Variants in DENND6A observed in about 807,000 individuals in gnomAD.
DENND6A encodes the protein protein DENND6A.
DENND6A carries 43 observed loss-of-function variants against 95.5 expected under a neutral mutation model. That is an observed-to-expected ratio of 0.45 (90% CI 0.35 to 0.58). The LOEUF (loss-of-function observed/expected upper bound fraction) is 0.58. Among genes scored for constraint, DENND6A ranks in the 20% least tolerant of loss-of-function variants. The pLI, the probability that DENND6A is intolerant of heterozygous loss-of-function variation, is 0.00. For missense variants in DENND6A, 574 were observed against 736.0 expected (o/e 0.78, Z 2.55); for synonymous variants, 257 against 260.4 (o/e 0.99, Z 0.13).
chr3:57,630,734 C>T lies in DENND6A; in HGVS notation c.1498G>A (p.Asp500Asn), dbSNP rs779180348. Residue 500 changes from aspartate (D) to asparagine (N), a missense_variant, in exon 17 of 20, where the codon GAT becomes AAT. Physicochemically the swap from Asp to Asn is conservative, Grantham distance 23. Around this residue, in one of 2 missense-constraint regions of DENND6A, gnomAD observed 452 missense variants for 630.9 expected, o/e 0.72. Coordinates refer to ENST00000311128, the MANE Select transcript of DENND6A (RefSeq NM_152678.3). ...GPQLTSRIKG[D>N]WIGLYRHFLK... ...ACTAACCGGTAAAGTCCAATCCAAT[C>T]GCCTTTTATTCTAGAGGTTAGCTGA... 2.3e-5 allele frequency: 37 copies of T among 1,613,538 alleles called. No individual in the cohort carries two copies. Among genetic ancestry groups the T allele is most frequent in the Middle Eastern group, 1.6e-4 (1 of 6,082 alleles).
chr3:57,630,690 T>G, intron 17 of DENND6A, 25 bp downstream of exon 17: 1 of 1,603,204 alleles, frequency 6.2e-7, no homozygotes. Flanking sequence ...GACACATGGG[T>G]GTAAAACAGG....
In DENND6A at chr3:57,692,839, G is replaced by T. The variant is rs769779894; in HGVS notation, c.180C>A (p.Ala60=). 1 of 1,584,264 alleles carries T rather than the reference G, an allele frequency of 6.3e-7. No individual in the cohort carries two copies. Among genetic ancestry groups the T allele is most frequent in the Non-Finnish European group, 8.6e-7 (1 of 1,168,848 alleles). Residue 60 remains alanine (A), a synonymous_variant, in exon 1 of 20, where the codon GCC becomes GCA. Coordinates refer to ENST00000311128, the MANE Select transcript of DENND6A (RefSeq NM_152678.3). ...RGLLRWDSFS[A]WLHCVCVVGF... ...CCACCACACACACGCAGTGCAGCCAGGCGGAGAAGCTGTCCCAGCGCAGCA... is the reference window on the plus strand; with the variant it reads ...CCACCACACACACGCAGTGCAGCCATGCGGAGAAGCTGTCCCAGCGCAGCA...
intron 1 of DENND6A, among the ~76,000 whole-genome samples, chr3:57,675,606 C>T (rs1422280947): frequency 6.6e-6 from 1 of 152,152 alleles, no homozygotes; most frequent in Non-Finnish European, 1.5e-5. Flanking sequence ...TCTGCAGTGA[C>T]CACAACCACC....
chr3:57,638,991 G>A (rs1376375575), intron 12 of DENND6A, among the ~76,000 whole-genome samples: 2 of 152,076 alleles, frequency 1.3e-5, no homozygotes, highest in African/African-American at 4.8e-5. Context: ...CCAGCTACTC[G>A]GGAGGCTGAG....
intron 1 of DENND6A, among the ~76,000 whole-genome samples, chr3:57,691,415 T>C (rs534134590): frequency 3.5e-4 from 53 of 152,316 alleles, no homozygotes; most frequent in Middle Eastern, 3.4e-3. Context: ...GATTAATTCT[T>C]GGTTCTCCTC....
intron 9 of DENND6A, among the ~76,000 whole-genome samples, chr3:57,651,283 C>T (rs560030236): frequency 6.6e-6 from 1 of 152,182 alleles, no homozygotes; most frequent in Non-Finnish European, 1.5e-5. Flanking sequence ...TTTCAACTTA[C>T]AATTTGCAAA....
At chr3:57,679,610 C>T (rs934445350) in intron 1 of DENND6A, 75 of 969,616 alleles carry the variant, frequency 7.7e-5, no homozygotes, top group Non-Finnish European at 8.7e-5. Flanking sequence ...TTAGATGTGT[C>T]CTTGTGGGAA....
At position 57,630,252 on chromosome 3, in the gene DENND6A, CTAT is replaced by C. The variant is rs2070636214; in HGVS notation, c.1620+166_1620+168del. 4.2e-4 allele frequency: 72 copies of C among 171,512 alleles called. 2 individuals carry two copies. In the South Asian group the frequency reaches 0.012, roughly 28 times the overall value. 10.6% of individuals were successfully genotyped at this position (171,512 alleles called of 1,614,324 possible). On this transcript the variant is annotated intron_variant, in intron 18 of 19. Coordinates refer to ENST00000311128, the MANE Select transcript of DENND6A (RefSeq NM_152678.3). ...CATTGTAAAGATTAAAAGAGATTAT[CTAT>C]ATAAAGCCCCTATAATGTCCTTGGC...
Position 57,660,952 on chromosome 3 carries a change from G to GA in DENND6A, c.620-114dup. 4 of 886,522 alleles carry GA rather than the reference G, an allele frequency of 4.5e-6. No homozygotes were observed. In the South Asian group the frequency reaches 7.5e-5, roughly 17 times the overall value. The allele number at this position is 886,522 out of a possible 1,614,324, so 54.9% of individuals were successfully genotyped here. The stretch of plus-strand genomic sequence containing the variant: ...CCATACAGCAGAAAAAATATACCTG[G>GA]AAGAATGAGAGATAAAAGGCAAAAG... On this transcript the variant is annotated intron_variant, in intron 6 of 19. Transcript: ENST00000311128.
rs543296015 is a variant in DENND6A, at chr3:57,641,569, A to C, written c.1132+84T>G. 8 of 1,225,890 alleles carry C rather than the reference A, an allele frequency of 6.5e-6. No homozygotes were observed. In the African/African-American group the frequency reaches 1.2e-4, roughly 19 times the overall value. 75.9% of individuals were successfully genotyped at this position (1,225,890 alleles called of 1,614,324 possible). On this transcript the variant is annotated intron_variant, in intron 12 of 19. Transcript: ENST00000311128. ...GGCCTTGAAGAAAGCTGCCATCAAC[A>C]TAAAAAATAATCAAGGATGAAAAGA... is the stretch of plus-strand genomic sequence containing the variant.
At chr3:57,688,413 C>G (rs990934765) in intron 1 of DENND6A, among the ~76,000 whole-genome samples, 1 of 152,032 alleles carries the variant, frequency 6.6e-6, no homozygotes, top group African/African-American at 2.4e-5. Context: ...AGTGTCCCTC[C>G]TATTGCAGGG....
chr3:57,678,913 G>A (rs890063520), intron 1 of DENND6A, among the ~76,000 whole-genome samples: 1 of 152,232 alleles, frequency 6.6e-6, no homozygotes, highest in Non-Finnish European at 1.5e-5. Context: ...TGACCAGTCT[G>A]GCCAACATGG....
At chr3:57,667,985 G>A (rs919455487) in intron 3 of DENND6A, among the ~76,000 whole-genome samples, 2 of 151,826 alleles carry the variant, frequency 1.3e-5, no homozygotes, top group African/African-American at 2.4e-5. Flanking sequence ...AGAATTTCTT[G>A]AACACAGTAG....
chr3:57,631,368 G>T (rs2070669460), intron 15 of DENND6A, among the ~76,000 whole-genome samples: 1 of 151,716 alleles, frequency 6.6e-6, no homozygotes, highest in Non-Finnish European at 1.5e-5. Flanking sequence ...GGCTAATTTT[G>T]TATTTTTAGT....
intron 1 of DENND6A, among the ~76,000 whole-genome samples, chr3:57,683,565 A>G (rs953531720): frequency 2.6e-5 from 4 of 152,232 alleles, no homozygotes; most frequent in African/African-American, 9.6e-5. Flanking sequence ...AAGGATCACA[A>G]AAATGCTAAA....
At chr3:57,687,436 A>G (rs2077220918) in intron 1 of DENND6A, among the ~76,000 whole-genome samples, 1 of 152,258 alleles carries the variant, frequency 6.6e-6, no homozygotes, top group South Asian at 2.1e-4. Flanking sequence ...AGCTGTCTCC[A>G]TAACATAAAA....
intron 1 of DENND6A, among the ~76,000 whole-genome samples, chr3:57,688,002 T>TG (rs950790100): frequency 3.5e-5 from 5 of 142,356 alleles, no homozygotes; most frequent in African/African-American, 1.2e-4. Flanking sequence ...TTTTTGGGTT[T>TG]GTTTTTTTTT....
rs746610495 is a variant in DENND6A, at chr3:57,657,707, G to C, written c.791C>G (p.Pro264Arg). ...GAAAATATCCACCTCATGAACAGTAGGTAAAATAACAGATATATTTGTGTC... is the reference window on the plus strand; with the variant it reads ...GAAAATATCCACCTCATGAACAGTACGTAAAATAACAGATATATTTGTGTC... ...QVDTNISVIL[P>R]TVHEVDIFRC... is the part of the protein sequence containing the mutation. The change falls in exon 9 of 20, where the codon CCT (proline) becomes CGT (arginine). Residue 264 changes from proline to arginine, a missense_variant. Pro to Arg is a moderately radical substitution (Grantham distance 103). Transcript: ENST00000311128. 7.0e-6 allele frequency: 11 copies of C among 1,575,044 alleles called. No homozygotes were observed. The Admixed American group carries it at 8.9e-5, about 13-fold the overall frequency.
intron 9 of DENND6A, among the ~76,000 whole-genome samples, 165 bp from the exon 10 acceptor site, chr3:57,646,603 A>G (rs2071085997): frequency 2.6e-5 from 4 of 152,256 alleles, no homozygotes; most frequent in Admixed American, 1.3e-4. Flanking sequence ...GTATAGAGAC[A>G]TAAGTCCCTT....
Sources: allele counts gnomAD v4.1 joint callset (sites outside exome capture counted in the v4.1 genomes callset), GRCh38; gene constraint gnomAD v4.1.1; regional missense constraint gnomAD v4.1.1; transcripts MANE v1.5; gene names NCBI Gene and HGNC (gene_info 2026-07-23, HGNC 2026-07-21).